PCDHGA3: variants seen among roughly 807,000 people sequenced by gnomAD.
PCDHGA3 encodes protocadherin gamma subfamily A, 3.
A neutral mutation model predicts 58.5 loss-of-function variants in PCDHGA3; 40 were observed. That is an observed-to-expected ratio of 0.68 (90% CI 0.53 to 0.89). PCDHGA3 has a LOEUF of 0.89. Among genes scored for constraint, PCDHGA3 ranks in the 40% least tolerant of loss-of-function variants. The probability of loss-of-function intolerance (pLI) is 0.00; values close to 1 mark genes in which losing one functional copy is unlikely to be tolerated. For missense variants in PCDHGA3, 1,223 were observed against 1,195.9 expected, an observed-to-expected ratio of 1.02 and a Z score of -0.33; for synonymous variants, 530 against 525.7, an observed-to-expected ratio of 1.01 and a Z score of -0.11.
rs375487349 is a variant in PCDHGA3 at position 141,383,260 on chromosome 5, G to A, written c.2424+36803G>A. The A allele has an allele frequency of 7.3e-5, 118 of 1,613,782 alleles. 1 individual carries two copies. In the East Asian group the frequency reaches 2.5e-3, roughly 35 times the overall value. On this transcript the variant is annotated intron_variant, in intron 1 of 3. Coordinates refer to ENST00000253812, the MANE Select transcript of PCDHGA3 (RefSeq NM_018916.4). The stretch of plus-strand genomic sequence containing the variant: ...TAAAATGAATCTTTACCCTATAGAC[G>A]TGGAAATAATAGATATTAATGACAA...
At position 141,352,542 on chromosome 5, in the gene PCDHGA3, T is replaced by G; in HGVS notation, c.2424+6085T>G. The stretch of plus-strand genomic sequence containing the variant: ...GCCTCTCATTCTGCAAAGACAGAGT[T>G]TAATTCTCTCAACCTGACACCGGAA... On this transcript the variant is annotated intron_variant, in intron 1 of 3. Transcript: ENST00000253812. 3.1e-6 allele frequency: 5 copies of G among 1,613,962 alleles called. No homozygotes were observed. The South Asian group carries it at 4.4e-5, about 14-fold the overall frequency.
At chr5:141,478,045 T>C in intron 1 of PCDHGA3, 3 of 1,614,144 alleles carry the variant, frequency 1.9e-6, no homozygotes, top group East Asian at 2.2e-5. Flanking sequence ...CCAGGCAGAC[T>C]CTCACGGTCT....
rs1021061111 is a variant in PCDHGA3 at position 141,352,197 on chromosome 5, G to C, written c.2424+5740G>C. ...CTGCTGGTCGCTGTGCGTGATGGAG[G>C]ACAGCCGCCACTCTCCGCCACCGCC... On this transcript the variant is annotated intron_variant, in intron 1 of 3. Transcript: ENST00000253812. 1.9e-6 allele frequency: 3 copies of C among 1,613,922 alleles called. No individual in the cohort carries two copies. Among genetic ancestry groups the C allele is most frequent in the Non-Finnish European group, 2.5e-6 (3 of 1,179,892 alleles).
intron 1 of PCDHGA3, chr5:141,377,186 T>G (rs1773756873): frequency 6.6e-6 from 1 of 152,252 alleles, no homozygotes; most frequent in Non-Finnish European, 1.5e-5. Context: ...TGGCAAACTA[T>G]TTGTGTCTTG....
chr5:141,395,213 T>C, intron 1 of PCDHGA3: 1 of 1,613,280 alleles, frequency 6.2e-7, no homozygotes, highest in Non-Finnish European at 8.5e-7. Flanking sequence ...TTCATGAATA[T>C]AAGAATGAAG....
chr5:141,387,244 C>T (rs1267995802), intron 1 of PCDHGA3, among the ~76,000 whole-genome samples: 2 of 152,024 alleles, frequency 1.3e-5, no homozygotes, highest in South Asian at 2.1e-4. Context: ...CTTGGAGGTA[C>T]TTAGAAAAGT....
At chr5:141,391,287 A>G (rs1429932607) in intron 1 of PCDHGA3, 1 of 152,126 alleles carries the variant, frequency 6.6e-6, no homozygotes, top group Non-Finnish European at 1.5e-5. Flanking sequence ...TTGCTGAAAG[A>G]AGGAAACGTC....
chr5:141,365,268 G>A (rs1329659479), intron 1 of PCDHGA3: 2 of 1,613,874 alleles, frequency 1.2e-6, no homozygotes, highest in Non-Finnish European at 1.7e-6. Flanking sequence ...GAAGAATCCA[G>A]ATTCTACCTC....
At chr5:141,449,215 T>C (rs2098631967) in intron 1 of PCDHGA3, among the ~76,000 whole-genome samples, 2 of 152,170 alleles carry the variant, frequency 1.3e-5, no homozygotes, top group Non-Finnish European at 2.9e-5. Context: ...ACTTTCTGTT[T>C]TGAAATGATT....
chr5:141,371,232 G>C, intron 1 of PCDHGA3: 4 of 1,614,036 alleles, frequency 2.5e-6, no homozygotes, highest in Non-Finnish European at 3.4e-6. Flanking sequence ...AATCATCTAT[G>C]CCTTCATCAA....
At chr5:141,370,214 C>A (rs988145754) in intron 1 of PCDHGA3, 8 of 565,608 alleles carry the variant, frequency 1.4e-5, no homozygotes, top group Non-Finnish European at 2.1e-5. Flanking sequence ...ATTGGCTCCT[C>A]CCGCTGCAGC....
intron 1 of PCDHGA3, chr5:141,357,154 C>T: frequency 1.2e-6 from 2 of 1,613,536 alleles, no homozygotes; most frequent in Non-Finnish European, 1.7e-6. Context: ...CCATGGCCAG[C>T]CCCCTCTCTC....
intron 1 of PCDHGA3, chr5:141,371,200 T>A (rs2149980452): frequency 6.2e-7 from 1 of 1,614,034 alleles, no homozygotes; most frequent in East Asian, 2.2e-5. Context: ...GCCATTGACA[T>A]GGATGAGGGC....
At chr5:141,423,440 C>G in intron 1 of PCDHGA3, 1 of 1,613,970 alleles carries the variant, frequency 6.2e-7, no homozygotes, top group South Asian at 1.1e-5. Context: ...GGTATGCCCA[C>G]GTCACATTTT....
At chr5:141,479,063 A>G (rs1476826751) in intron 1 of PCDHGA3, among the ~76,000 whole-genome samples, 1 of 152,204 alleles carries the variant, frequency 6.6e-6, no homozygotes, top group African/African-American at 2.4e-5. Context: ...ATAATTTTTT[A>G]TGAATGAAAT....
intron 1 of PCDHGA3, among the ~76,000 whole-genome samples, chr5:141,438,619 TATATATATATATATATAC>T (rs1380852637): frequency 0.021 from 829 of 39,644 alleles, 15 homozygotes; most frequent in East Asian, 0.054. Context: ...TATATATATA[TATATATATATATATATAC>T]ACACACACAC....
intron 3 of PCDHGA3, among the ~76,000 whole-genome samples, chr5:141,509,066 C>A (rs1215686419): frequency 6.6e-6 from 1 of 152,172 alleles, no homozygotes; most frequent in Non-Finnish European, 1.5e-5. Context: ...GCTCTCAGCT[C>A]CGGGGATTTG....
chr5:141,382,779 C>G (rs1561592016), intron 1 of PCDHGA3: 3 of 834,176 alleles, frequency 3.6e-6, no homozygotes, highest in Non-Finnish European at 5.6e-6. Flanking sequence ...GCACTAAACT[C>G]AAGCCTCTAT....
Position 141,485,057 on chromosome 5 carries a change from C to T in PCDHGA3, c.2425-9750C>T. 1 of 843,720 alleles carries T rather than the reference C, an allele frequency of 1.2e-6. No individual in the cohort carries two copies. The highest frequency in any genetic ancestry group is 1.9e-6 in the Non-Finnish European group (1 of 524,586). 52.3% of individuals were successfully genotyped at this position (843,720 alleles called of 1,614,324 possible). On this transcript the variant is annotated intron_variant, in intron 1 of 3. Transcript: ENST00000253812. This position sits in a 1 kb window ranked among gnomAD's most constrained non-coding sequence, Gnocchi z 5.7. The stretch of plus-strand genomic sequence containing the variant: ...GTAACCCTTGCGGCGCCGGCCGAAC[C>T]GCGCCAGAGCTGGCGCGGGGAAAGG...
Sources: gnomAD v4.1 joint callset for allele counts (sites outside exome capture counted in the v4.1 genomes callset) on GRCh38, gnomAD v4.1.1 for gene constraint, Gnocchi (gnomAD v3.1) non-coding constraint, MANE v1.5 for transcripts, NCBI Gene and HGNC (gene_info 2026-07-23, HGNC 2026-07-21) for gene names.